The following PCDH7 variants were observed in gnomAD, a reference collection of about 807,000 sequenced individuals.
PCDH7 encodes the protein protocadherin-7.
PCDH7 carries 17 observed loss-of-function variants against 58.9 expected under a neutral mutation model. The ratio of observed to expected loss-of-function variants is 0.29; its 90% CI spans 0.20 to 0.43. The LOEUF (loss-of-function observed/expected upper bound fraction) is 0.43, where lower values mean the gene tolerates loss of function less well. Among genes scored for constraint, PCDH7 ranks in the 20% least tolerant of loss-of-function variants. PCDH7 has a pLI of 1.00. For synonymous variants in PCDH7, 664 were observed against 616.4 expected (o/e 1.08, Z -1.14); for missense variants, 1,274 against 1,441.0 (o/e 0.88, Z 1.88).
At chr4:30,907,520 C>A (rs958446777) in intron 1 of PCDH7, among the ~76,000 whole-genome samples, 1 of 152,132 alleles carries the variant, frequency 6.6e-6, no homozygotes, top group South Asian at 2.1e-4. Context: ...CACTGGTCAT[C>A]AGAGAAATGC....
intron 3 of PCDH7, among the ~76,000 whole-genome samples, chr4:31,024,279 T>G (rs1038512913): frequency 1.3e-5 from 2 of 152,218 alleles, no homozygotes; most frequent in Non-Finnish European, 2.9e-5. Context: ...ATTATTCATA[T>G]TTTACTTTCC....
intron 3 of PCDH7, among the ~76,000 whole-genome samples, chr4:31,134,548 A>G (rs1042917265): frequency 1.3e-5 from 2 of 152,216 alleles, no homozygotes; most frequent in African/African-American, 2.4e-5. Flanking sequence ...TTTATTGCAC[A>G]TAGCATAATA....
intron 1 of PCDH7, among the ~76,000 whole-genome samples, chr4:30,819,384 G>C (rs1490511624): frequency 6.6e-6 from 1 of 152,000 alleles, no homozygotes; most frequent in Non-Finnish European, 1.5e-5. Flanking sequence ...TTACATGAAG[G>C]CTCTATTTAA....
chr4:30,959,613 C>T (rs1312181675), intron 3 of PCDH7, among the ~76,000 whole-genome samples: 2 of 152,126 alleles, frequency 1.3e-5, no homozygotes, highest in Non-Finnish European at 2.9e-5. Flanking sequence ...AATGTGTAGG[C>T]TACTTTTTCT....
At chr4:30,922,045 A>G (rs1477696847) in intron 2 of PCDH7, among the ~76,000 whole-genome samples, 1 of 151,740 alleles carries the variant, frequency 6.6e-6, no homozygotes, top group Non-Finnish European at 1.5e-5. Context: ...AATTACATGT[A>G]TGTAGCCACA....
chr4:30,725,766 A>G (rs1459939193), intron 1 of PCDH7, among the ~76,000 whole-genome samples: 6 of 152,156 alleles, frequency 3.9e-5, no homozygotes, highest in African/African-American at 1.4e-4. Context: ...GAATCCGAGA[A>G]GAATTGAGGC....
chr4:30,985,650 A>G (rs1750904522), intron 3 of PCDH7, among the ~76,000 whole-genome samples: 1 of 152,240 alleles, frequency 6.6e-6, no homozygotes, highest in Non-Finnish European at 1.5e-5. Flanking sequence ...TGTATGAAGC[A>G]TGTAGCATAG....
chr4:30,969,270 C>A (rs1299211764), intron 3 of PCDH7, among the ~76,000 whole-genome samples: 1 of 152,202 alleles, frequency 6.6e-6, no homozygotes, highest in Non-Finnish European at 1.5e-5. Context: ...CATTTTCAGA[C>A]ATGCCATTCC....
exon 4 of PCDH7, chr4:31,142,473 A>G: frequency 7.3e-7 from 1 of 1,365,380 alleles, no homozygotes; most frequent in Non-Finnish European, 9.8e-7. Context: ...TGGATTTCAG[A>G]TTCAAGGCCT....
intron 1 of PCDH7, among the ~76,000 whole-genome samples, chr4:30,748,235 A>G (rs1461135548): frequency 6.6e-6 from 1 of 152,216 alleles, no homozygotes; most frequent in Non-Finnish European, 1.5e-5. Flanking sequence ...TGCTACAATC[A>G]GAGGCCGAGA....
At chr4:31,057,393 G>A (rs7661111) in intron 3 of PCDH7, among the ~76,000 whole-genome samples, 18,288 of 152,100 alleles carry the variant, frequency 0.12, 1,327 homozygotes, top group East Asian at 0.26. Context: ...ATGCAGAGGT[G>A]GGTCATTGCA....
intron 1 of PCDH7, chr4:30,776,163 AC>A (rs1722043119): frequency 6.6e-6 from 1 of 152,190 alleles, no homozygotes; most frequent in South Asian, 2.1e-4. Flanking sequence ...TGTATGGAAA[AC>A]TATACTGAAC....
exon 1 of PCDH7, chr4:30,724,325 A>C: frequency 6.2e-7 from 1 of 1,614,144 alleles, no homozygotes; most frequent in Non-Finnish European, 8.5e-7. Context: ...GATAGTGTCA[A>C]TGAGAAGCTG....
At chr4:30,758,260 A>T (rs1008100291) in intron 1 of PCDH7, among the ~76,000 whole-genome samples, 3 of 152,252 alleles carry the variant, frequency 2.0e-5, no homozygotes, top group African/African-American at 7.2e-5. Context: ...CCTGTATGGG[A>T]TACTTGAAGC....
intron 1 of PCDH7, among the ~76,000 whole-genome samples, chr4:30,855,017 T>C (rs1733277462): frequency 6.6e-6 from 1 of 152,146 alleles, no homozygotes; most frequent in African/African-American, 2.4e-5. Context: ...TGGCTCAAGC[T>C]TCTTTTCTTC....
chr4:30,990,735 A>T (rs1043344648), intron 3 of PCDH7, among the ~76,000 whole-genome samples: 1 of 152,182 alleles, frequency 6.6e-6, no homozygotes, highest in Non-Finnish European at 1.5e-5. Flanking sequence ...AGCCTTCATC[A>T]TTGAAACCAT....
chr4:31,001,715 A>C (rs758726092), intron 3 of PCDH7, among the ~76,000 whole-genome samples: 92 of 152,308 alleles, frequency 6.0e-4, no homozygotes, highest in Non-Finnish European at 7.1e-4. Context: ...AGAATGAACA[A>C]AACTCTGATT....
intron 1 of PCDH7, among the ~76,000 whole-genome samples, chr4:30,872,745 G>A (rs994678876): frequency 1.2e-4 from 18 of 152,120 alleles, no homozygotes; most frequent in African/African-American, 4.3e-4. Flanking sequence ...CAGAGGCAGT[G>A]TAACAAATTA....
intron 3 of PCDH7, among the ~76,000 whole-genome samples, chr4:31,021,821 G>A (rs1754041829): frequency 6.6e-6 from 1 of 152,112 alleles, no homozygotes; most frequent in African/African-American, 2.4e-5. Flanking sequence ...AATATGGTTG[G>A]ATGAGCATCT....
Sources: allele counts gnomAD v4.1 joint callset (sites outside exome capture counted in the v4.1 genomes callset), GRCh38; gene constraint gnomAD v4.1.1; transcripts MANE v1.5; gene names NCBI Gene and HGNC (gene_info 2026-07-23, HGNC 2026-07-21).